CYP4Z1: variants seen among roughly 807,000 people sequenced by gnomAD.
CYP4Z1 encodes cytochrome P450 family 4 subfamily Z member 1, also known as cytochrome P450 4Z1.
In CYP4Z1, 41 loss-of-function variants were observed where a neutral mutation model predicts 54.2. The observed-to-expected ratio is 0.76, with a 90% CI of 0.59 to 0.98. CYP4Z1 has a LOEUF of 0.98. CYP4Z1 is among the 50% of genes least tolerant of loss of function. CYP4Z1 has a pLI of 0.00. For synonymous variants in CYP4Z1, 163 were observed against 206.2 expected (o/e 0.79, Z 1.79); for missense variants, 513 against 599.0 (o/e 0.86, Z 1.50).
the CYP4Z1 span, among the ~76,000 whole-genome samples, chr1:47,058,743 T>C: frequency 6.6e-6 from 1 of 152,122 alleles, no homozygotes; most frequent in Non-Finnish European, 1.5e-5. Flanking sequence ...GTGGTTCCAG[T>C]ATGTAGTGCT....
At chr1:47,111,652 AC>A (rs1644792924) in intron 9 of CYP4Z1, among the ~76,000 whole-genome samples, 1 of 152,320 alleles carries the variant, frequency 6.6e-6, no homozygotes, top group Non-Finnish European at 1.5e-5. Context: ...ACAATATTAA[AC>A]TTTTTCCCCA....
chr1:47,112,364 G>A (rs948275736), intron 9 of CYP4Z1, among the ~76,000 whole-genome samples: 9 of 152,170 alleles, frequency 5.9e-5, no homozygotes, highest in Non-Finnish European at 1.2e-4. Context: ...GAGAAAAATT[G>A]TAGAGCCCCT....
the CYP4Z1 span, among the ~76,000 whole-genome samples, chr1:47,057,335 A>AAAAAAAAAAAAAAAAAAAT: frequency 1.8e-4 from 5 of 28,480 alleles, no homozygotes; most frequent in East Asian, 9.7e-4. Flanking sequence ...AAGAAAAAAA[A>AAAAAAAAAAAAAAAAAAAT]ATATATATAT....
rs1187296208 is a variant in CYP4Z1 at position 47,116,697 on chromosome 1, T to A, written c.1314T>A (p.His438Gln). The A allele has an allele frequency of 1.9e-6, 3 of 1,611,934 alleles. No individual in the cohort carries two copies. Among genetic ancestry groups the A allele is most frequent in the Admixed American group, 3.3e-5 (2 of 59,890 alleles). Residue 438 changes from histidine (H) to glutamine (Q), a missense_variant, in exon 11 of 12, where the codon CAT becomes CAA. By Grantham distance (24) the His-to-Gln change is conservative. Coordinates refer to ENST00000334194, the MANE Select transcript of CYP4Z1 (RefSeq NM_178134.3). The stretch of plus-strand genomic sequence containing the variant: ...CCAGGGAAAATTCTGAAAAAATACA[T>A]CCCTATGCCTTCATACCATTCTCAG... ...RFSRENSEKIHPYAFIPFSAG... is the reference protein window; with the variant it reads ...RFSRENSEKIQPYAFIPFSAG...
At position 47,097,745 on chromosome 1, in the gene CYP4Z1, GGTTT is replaced by G. The variant is rs550248999; in HGVS notation, c.877-1324_877-1321del. On this transcript the variant is annotated intron_variant, in intron 7 of 11. Coordinates refer to ENST00000334194, the MANE Select transcript of CYP4Z1 (RefSeq NM_178134.3). Reference sequence around the variant, plus strand: ...ATAATTTGGAGAGGCCTCCAGCTTTGGTTTGTTTGTTTGTTTGTTTGTTTGTTTT... The same window carrying G: ...ATAATTTGGAGAGGCCTCCAGCTTTGGTTTGTTTGTTTGTTTGTTTGTTTT... Among the ~76,000 whole-genome samples, 39 of 150,508 alleles carry G rather than the reference GGTTT, an allele frequency of 2.6e-4. 1 individual carries two copies. The highest frequency in any genetic ancestry group is 1.3e-3 in the Admixed American group (19 of 15,128).
intron 8 of CYP4Z1, among the ~76,000 whole-genome samples, chr1:47,100,132 C>T (rs1644710817): frequency 6.6e-6 from 1 of 152,268 alleles, no homozygotes; most frequent in African/African-American, 2.4e-5. Flanking sequence ...TAAAATCATA[C>T]ATTCTTTTGT....
intron 4 of CYP4Z1, among the ~76,000 whole-genome samples, chr1:47,083,176 C>T (rs1644568174): frequency 6.6e-6 from 1 of 151,976 alleles, no homozygotes; most frequent in African/African-American, 2.4e-5. Context: ...GGATCTCAAT[C>T]CTAGTCACAA....
At position 47,117,889 on chromosome 1, in the gene CYP4Z1, C is replaced by T. The variant is rs758974534; in HGVS notation, c.1473C>T (p.Leu491=). 3.1e-5 allele frequency: 50 copies of T among 1,613,444 alleles called. No individual in the cohort carries two copies. The highest frequency in any genetic ancestry group is 3.9e-5 in the Non-Finnish European group (46 of 1,179,764). The change falls in exon 12 of 12, where the codon CTC becomes CTT. Residue 491 remains leucine (L), a synonymous_variant. Coordinates refer to ENST00000334194, the MANE Select transcript of CYP4Z1 (RefSeq NM_178134.3). ...RPPQPVRQVV[L]KSKNGIHVFA... ...CCCAGCCTGTTCGTCAAGTTGTCCTCAAGTCCAAGAATGGAATCCATGTGT... is the reference window on the plus strand; with the variant it reads ...CCCAGCCTGTTCGTCAAGTTGTCCTTAAGTCCAAGAATGGAATCCATGTGT...
upstream of CYP4Z1, among the ~76,000 whole-genome samples, chr1:47,064,863 C>T (rs1396327671): frequency 1.3e-5 from 2 of 152,104 alleles, no homozygotes; most frequent in Non-Finnish European, 2.9e-5. Flanking sequence ...ATATTCTATG[C>T]AAATGGACAC....
intron 6 of CYP4Z1, among the ~76,000 whole-genome samples, chr1:47,086,996 A>C (rs1644600334): frequency 6.6e-6 from 1 of 152,154 alleles, no homozygotes; most frequent in African/African-American, 2.4e-5. Context: ...CAAATATCAG[A>C]TGGGTGTACA....
intron 10 of CYP4Z1, 100 bp from the exon 11 acceptor site, chr1:47,116,550 T>G: frequency 1.4e-6 from 1 of 713,556 alleles, no homozygotes; most frequent in Non-Finnish European, 2.3e-6. Flanking sequence ...GCTTTGGAAT[T>G]CTGTTAACAA....
In CYP4Z1 at chr1:47,094,576, C is replaced by T. The variant is rs766866720; in HGVS notation, c.783C>T (p.Ile261=). 33 of 1,586,096 alleles carry T rather than the reference C, an allele frequency of 2.1e-5. No homozygotes were observed. The South Asian group carries it at 3.9e-4, about 19-fold the overall frequency. ...QELHQFTEKV[I]QDRKESLKDK... is the part of the protein sequence containing the mutation. ...AATTTTTCCATCTAGAGAAAGTAAT[C>T]CAGGACCGGAAGGAGTCTCTTAAGG... Residue 261 remains isoleucine, a synonymous_variant, in exon 7 of 12, where the codon ATC becomes ATT. Coordinates refer to ENST00000334194, the MANE Select transcript of CYP4Z1 (RefSeq NM_178134.3).
chr1:47,057,546 T>C, the CYP4Z1 span, among the ~76,000 whole-genome samples: 8 of 148,876 alleles, frequency 5.4e-5, no homozygotes, highest in South Asian at 1.7e-3. Context: ...TATATGCCTT[T>C]AAAGTCACTG....
intron 9 of CYP4Z1, among the ~76,000 whole-genome samples, chr1:47,115,257 T>G (rs1192426873): frequency 2.0e-5 from 3 of 151,970 alleles, no homozygotes; most frequent in South Asian, 4.2e-4. Context: ...GAGAACACAT[T>G]GACACAGGAA....
chr1:47,103,604 T>C (rs1041448364), intron 8 of CYP4Z1, among the ~76,000 whole-genome samples: 4 of 148,682 alleles, frequency 2.7e-5, no homozygotes, highest in Non-Finnish European at 4.5e-5. Context: ...TCTTTTTTTT[T>C]TTTTTTTTAG....
chr1:47,082,586 T>A, intron 4 of CYP4Z1, 125 bp downstream of exon 4: 1 of 1,392,590 alleles, frequency 7.2e-7, no homozygotes, highest in Non-Finnish European at 9.6e-7. Flanking sequence ...TTATTTGATG[T>A]TTAGACCATG....
intron 2 of CYP4Z1, 27 bp downstream of exon 2, chr1:47,068,790 C>T (rs1644471277): frequency 6.2e-7 from 1 of 1,610,002 alleles, no homozygotes; most frequent in Admixed American, 1.7e-5. Flanking sequence ...GCTCACAGTA[C>T]AGAGCAGCAA....
chr1:47,088,202 G>A (rs1644612208), intron 6 of CYP4Z1, among the ~76,000 whole-genome samples: 1 of 152,056 alleles, frequency 6.6e-6, no homozygotes, highest in Non-Finnish European at 1.5e-5. Context: ...GGATGATGCT[G>A]GCCTCATAAA....
At chr1:47,088,925 G>T (rs1389168289) in intron 6 of CYP4Z1, among the ~76,000 whole-genome samples, 2 of 147,762 alleles carry the variant, frequency 1.4e-5, no homozygotes, top group Admixed American at 6.7e-5. Context: ...CTCAGCCAAG[G>T]TTTATTTCTC....
Sources: gnomAD v4.1 joint callset for allele counts (sites outside exome capture counted in the v4.1 genomes callset) on GRCh38, gnomAD v4.1.1 for gene constraint, MANE v1.5 for transcripts, NCBI Gene and HGNC (gene_info 2026-07-23, HGNC 2026-07-21) for gene names.